Variants in JHY observed in about 807,000 individuals in gnomAD.
JHY encodes jhy protein homolog.
Under a neutral mutation model 78.0 loss-of-function variants are expected in JHY, and 69 were observed. The observed-to-expected ratio is 0.88, with a 90% CI of 0.73 to 1.08. The LOEUF (loss-of-function observed/expected upper bound fraction) is 1.08. Ranked by LOEUF, JHY falls within the 50% of genes least tolerant of loss-of-function variation. The pLI, the probability that JHY is intolerant of heterozygous loss-of-function variation, is 0.00. For missense variants in JHY, 944 were observed against 927.8 expected, an observed-to-expected ratio of 1.02 and a Z score of -0.23; for synonymous variants, 368 against 342.6, an observed-to-expected ratio of 1.07 and a Z score of -0.82.
intron 2 of JHY, among the ~76,000 whole-genome samples, chr11:122,897,575 A>T (rs1447162143): frequency 6.6e-6 from 1 of 152,226 alleles, no homozygotes; most frequent in African/African-American, 2.4e-5. Flanking sequence ...AAACTGAAGC[A>T]CAGAAGTTAA....
intron 6 of JHY, among the ~76,000 whole-genome samples, chr11:122,953,693 G>C (rs866946994): frequency 1.3e-5 from 2 of 152,060 alleles, no homozygotes; most frequent in African/African-American, 2.4e-5. Flanking sequence ...ATATAATGGA[G>C]AGGAAGCAGC....
chr11:122,895,932 T>A (rs1361768500), intron 2 of JHY, among the ~76,000 whole-genome samples: 1 of 152,200 alleles, frequency 6.6e-6, no homozygotes, highest in African/African-American at 2.4e-5. Context: ...TCTAGGCTCA[T>A]GATTTTGCAA....
At chr11:122,932,494 C>A (rs573757516) in intron 4 of JHY, among the ~76,000 whole-genome samples, 1 of 152,206 alleles carries the variant, frequency 6.6e-6, no homozygotes, top group East Asian at 1.9e-4. Flanking sequence ...TAAGTATTTT[C>A]TTTTTTGGTG....
rs79154211 is a variant in JHY, at chr11:122,906,634, G to C, written c.864+2190G>C. 5.5e-3 allele frequency among the ~76,000 whole-genome samples: 839 copies of C among 152,160 alleles called. 29 individuals are homozygous for C. The East Asian group carries it at 0.1, about 18-fold the overall frequency. On this transcript the variant is annotated intron_variant, in intron 3 of 8. Coordinates refer to ENST00000227349, the MANE Select transcript of JHY (RefSeq NM_024806.4). Reference sequence around the variant, plus strand: ...TTCAGAAACTCTCTTTTTAGTCTGAGGTCAAAAGAAATAGTTTTATTTCCA... The same window carrying C: ...TTCAGAAACTCTCTTTTTAGTCTGACGTCAAAAGAAATAGTTTTATTTCCA...
At chr11:122,921,153 C>G (rs1270600339) in intron 3 of JHY, among the ~76,000 whole-genome samples, 1 of 152,054 alleles carries the variant, frequency 6.6e-6, no homozygotes, top group Non-Finnish European at 1.5e-5. Context: ...CTGTGTTCTA[C>G]CAAAACAGCC....
chr11:122,938,227 T>A (rs1021249919), intron 5 of JHY, among the ~76,000 whole-genome samples: 3 of 152,168 alleles, frequency 2.0e-5, no homozygotes, highest in Non-Finnish European at 4.4e-5. Flanking sequence ...ATTTTCTGTT[T>A]GCTCTTTCTA....
At position 122,940,345 on chromosome 11, in the gene JHY, G is replaced by GA. The variant is rs1418855789; in HGVS notation, c.1634+5279dup. On this transcript the variant is annotated intron_variant, in intron 5 of 8. Transcript: ENST00000227349. ...AGAGTGAGGTTCTGTCTCAAAAAAA[G>GA]AAAAAAAAATCTAGAACAAATTATC... Among the ~76,000 whole-genome samples, 426 of 150,426 alleles carry GA rather than the reference G, an allele frequency of 2.8e-3. 3 individuals carry two copies. The highest frequency in any genetic ancestry group is 9.7e-3 in the African/African-American group (398 of 41,052).
intron 4 of JHY, among the ~76,000 whole-genome samples, chr11:122,925,280 A>G (rs1287757679): frequency 6.6e-6 from 1 of 152,218 alleles, no homozygotes; most frequent in East Asian, 1.9e-4. Flanking sequence ...ACACAGAAGG[A>G]AGGCATGGAA....
intron 6 of JHY, among the ~76,000 whole-genome samples, chr11:122,949,605 G>C (rs745552251): frequency 2.0e-5 from 3 of 152,006 alleles, no homozygotes; most frequent in South Asian, 2.1e-4. Context: ...TGTGTACCCC[G>C]GGTCTTCAGC....
At chr11:122,926,349 A>G (rs745817051) in intron 4 of JHY, among the ~76,000 whole-genome samples, 4 of 152,182 alleles carry the variant, frequency 2.6e-5, no homozygotes, top group Non-Finnish European at 5.9e-5. Flanking sequence ...CTGAACCTAT[A>G]GAGCCTGTTG....
intron 8 of JHY, 149 bp downstream of exon 8, chr11:122,957,640 C>A: frequency 5.3e-6 from 4 of 752,804 alleles, no homozygotes; most frequent in Non-Finnish European, 5.7e-6. Context: ...AGCTATCCTC[C>A]AAACTAAGCC....
chr11:122,925,636 A>G (rs1308922219), intron 4 of JHY, among the ~76,000 whole-genome samples: 1 of 152,124 alleles, frequency 6.6e-6, no homozygotes, highest in African/African-American at 2.4e-5. Flanking sequence ...AATCCCAGCA[A>G]TTTGGGAGAC....
intron 5 of JHY, among the ~76,000 whole-genome samples, chr11:122,946,127 G>C (rs60440590): frequency 3.2e-3 from 485 of 152,138 alleles, no homozygotes; most frequent in Admixed American, 6.2e-3. Context: ...CCTTTTGTTC[G>C]TTTTGGTCTT....
At chr11:122,928,553 GAAA>G (rs370330908) in intron 4 of JHY, among the ~76,000 whole-genome samples, 1 of 136,282 alleles carries the variant, frequency 7.3e-6, no homozygotes, top group South Asian at 2.4e-4. Context: ...AAGATACGGG[GAAA>G]AAAAAAAAAA....
intron 7 of JHY, 134 bp from the exon 8 acceptor site, chr11:122,957,229 C>T: frequency 1.0e-6 from 1 of 953,446 alleles, no homozygotes. Flanking sequence ...TGCCACCTTA[C>T]TCAAGGTGAT....
At chr11:122,913,649 CT>C (rs1305449318) in intron 3 of JHY, among the ~76,000 whole-genome samples, 1 of 152,186 alleles carries the variant, frequency 6.6e-6, no homozygotes, top group Non-Finnish European at 1.5e-5. Context: ...CCTTATCCTC[CT>C]TTTGAGATTC....
At chr11:122,933,051 T>A (rs1863669703) in intron 4 of JHY, among the ~76,000 whole-genome samples, 1 of 152,226 alleles carries the variant, frequency 6.6e-6, no homozygotes, top group African/African-American at 2.4e-5. Flanking sequence ...ATTACTGTTT[T>A]AAATTTAATA....
intron 2 of JHY, among the ~76,000 whole-genome samples, chr11:122,903,465 T>C (rs1418867800): frequency 6.6e-6 from 1 of 152,168 alleles, no homozygotes; most frequent in Admixed American, 6.5e-5. Context: ...TCTGTCTTTA[T>C]GTTTATTAAT....
chr11:122,905,453 C>A, intron 3 of JHY: 9 of 1,300,352 alleles, frequency 6.9e-6, no homozygotes, highest in South Asian at 2.8e-5. Context: ...CAAATCCCAA[C>A]TGGTATTTTT....
Sources: allele counts gnomAD v4.1 joint callset (sites outside exome capture counted in the v4.1 genomes callset), GRCh38; gene constraint gnomAD v4.1.1; transcripts MANE v1.5; gene names NCBI Gene and HGNC (gene_info 2026-07-23, HGNC 2026-07-21).